The following GALNT13 variants were observed in gnomAD, a reference collection of about 807,000 sequenced individuals.
The protein encoded by GALNT13 is UDP-GalNAc:polypeptide N-acetylgalactosaminyltransferase 13.
A neutral mutation model predicts 64.2 loss-of-function variants in GALNT13; 28 were observed. That is an observed-to-expected ratio of 0.44 (90% CI 0.32 to 0.60). The LOEUF (loss-of-function observed/expected upper bound fraction) is 0.60. Among genes scored for constraint, GALNT13 ranks in the 20% least tolerant of loss-of-function variants. The pLI is 0.05. For synonymous variants in GALNT13, 214 were observed against 224.6 expected, an observed-to-expected ratio of 0.95 and a Z score of 0.42; for missense variants, 577 against 669.8, an observed-to-expected ratio of 0.86 and a Z score of 1.53.
the GALNT13 span, among the ~76,000 whole-genome samples, chr2:153,618,272 CA>C: frequency 6.6e-6 from 1 of 151,788 alleles, no homozygotes; most frequent in Admixed American, 6.6e-5. Context: ...TTAATTTCTT[CA>C]TTGACCCACT....
At chr2:153,860,764 C>G in the GALNT13 span, among the ~76,000 whole-genome samples, 1 of 152,082 alleles carries the variant, frequency 6.6e-6, no homozygotes, top group Non-Finnish European at 1.5e-5. Context: ...TTTCTATGAC[C>G]AACGTGACAA....
chr2:153,117,046 G>A, the GALNT13 span, among the ~76,000 whole-genome samples: 6 of 151,838 alleles, frequency 4.0e-5, no homozygotes, highest in Middle Eastern at 3.5e-3. Flanking sequence ...TGATCCACCC[G>A]CCTAGGCCTC....
chr2:154,013,941 C>T (rs1696820772), intron 3 of GALNT13, among the ~76,000 whole-genome samples: 1 of 152,154 alleles, frequency 6.6e-6, no homozygotes, highest in African/African-American at 2.4e-5. Flanking sequence ...CATGGACTGC[C>T]AGCGAAGAAG....
At chr2:154,329,137 GCTCTGTCA>G (rs2105187272) in intron 9 of GALNT13, among the ~76,000 whole-genome samples, 1 of 152,126 alleles carries the variant, frequency 6.6e-6, no homozygotes, top group Admixed American at 6.6e-5. Context: ...GATGAATCTA[GCTCTGTCA>G]CCCAGGCTAG....
the GALNT13 span, among the ~76,000 whole-genome samples, chr2:153,823,473 C>T: frequency 6.6e-6 from 1 of 152,050 alleles, no homozygotes. Flanking sequence ...AACCCTCACA[C>T]AACCATATGA....
At chr2:153,701,554 G>A in the GALNT13 span, among the ~76,000 whole-genome samples, 1 of 152,256 alleles carries the variant, frequency 6.6e-6, no homozygotes, top group East Asian at 1.9e-4. Flanking sequence ...AGAGTGAACA[G>A]GCAACCTACT....
the GALNT13 span, among the ~76,000 whole-genome samples, chr2:153,240,050 G>A: frequency 6.6e-6 from 1 of 152,082 alleles, no homozygotes; most frequent in Admixed American, 6.5e-5. Flanking sequence ...ATCTTGGTAG[G>A]TTGGTTATCT....
chr2:153,918,152 C>T lies in GALNT13; in HGVS notation c.-105+17145C>T, dbSNP rs916056544. Among the ~76,000 whole-genome samples the T allele has an allele frequency of 1.8e-4, 28 of 151,930 alleles. No individual in the cohort carries two copies. In the South Asian group the frequency reaches 2.3e-3, roughly 12 times the overall value. On this transcript the variant is annotated intron_variant, in intron 2 of 12. Transcript: ENST00000392825. Reference sequence around the variant, plus strand: ...TAATTCAGGATTATGTTTGATTCAGCCAAGTTTAAAATAATTAATCTGATT... The same window carrying T: ...TAATTCAGGATTATGTTTGATTCAGTCAAGTTTAAAATAATTAATCTGATT...
At chr2:153,909,149 G>T (rs1002453916) in intron 2 of GALNT13, among the ~76,000 whole-genome samples, 12 of 151,836 alleles carry the variant, frequency 7.9e-5, no homozygotes, top group African/African-American at 2.4e-4. Flanking sequence ...TAGGTATTTT[G>T]TCACAGTTGT....
At chr2:153,105,618 A>G in the GALNT13 span, among the ~76,000 whole-genome samples, 2 of 152,224 alleles carry the variant, frequency 1.3e-5, no homozygotes, top group Admixed American at 6.5e-5. Flanking sequence ...GTATATCTAG[A>G]AAACCCCATC....
chr2:154,025,472 T>G (rs1475244107), intron 3 of GALNT13, among the ~76,000 whole-genome samples: 4 of 152,184 alleles, frequency 2.6e-5, no homozygotes, highest in Non-Finnish European at 5.9e-5. Context: ...TCATTCTTTA[T>G]GGACGCTAAT....
intron 2 of GALNT13, among the ~76,000 whole-genome samples, chr2:153,930,006 C>A (rs532900761): frequency 1.3e-5 from 2 of 152,042 alleles, no homozygotes; most frequent in South Asian, 4.1e-4. Context: ...TTTTGCCAGC[C>A]TCTGTTATTT....
intron 2 of GALNT13, among the ~76,000 whole-genome samples, chr2:153,920,379 G>A (rs1689672977): frequency 6.6e-6 from 1 of 152,112 alleles, no homozygotes; most frequent in African/African-American, 2.4e-5. Context: ...ACAAGCAATG[G>A]GGAAAGGACT....
intron 9 of GALNT13, among the ~76,000 whole-genome samples, chr2:154,330,355 T>G (rs1341072857): frequency 1.3e-5 from 2 of 152,082 alleles, no homozygotes. Flanking sequence ...ACCAGTCAAA[T>G]TTGCAGTGCC....
At chr2:154,435,909 A>G (rs1417619821) in intron 11 of GALNT13, 1 of 152,190 alleles carries the variant, frequency 6.6e-6, no homozygotes, top group Non-Finnish European at 1.5e-5. Context: ...TAAAAAGCTA[A>G]TGGATATAAA....
chr2:154,214,359 TC>T (rs1687932068), intron 4 of GALNT13, among the ~76,000 whole-genome samples: 1 of 152,164 alleles, frequency 6.6e-6, no homozygotes, highest in Non-Finnish European at 1.5e-5. Context: ...TACCTAGTGA[TC>T]CACCTTTGCT....
the GALNT13 span, among the ~76,000 whole-genome samples, chr2:153,114,595 A>AT: frequency 6.6e-6 from 1 of 152,150 alleles, no homozygotes; most frequent in African/African-American, 2.4e-5. Context: ...TGAAGTTTTG[A>AT]TATTAAGATT....
the GALNT13 span, among the ~76,000 whole-genome samples, chr2:153,757,265 T>C: frequency 1.3e-5 from 2 of 152,192 alleles, no homozygotes; most frequent in Admixed American, 1.3e-4. Context: ...CAAGAACATG[T>C]GGCCTTTGTC....
At chr2:153,894,588 A>T (rs1158323105) in intron 1 of GALNT13, among the ~76,000 whole-genome samples, 1 of 152,188 alleles carries the variant, frequency 6.6e-6, no homozygotes, top group Non-Finnish European at 1.5e-5. Context: ...ACAGGGAGGG[A>T]GGAAAAGAGG....
Sources: gnomAD v4.1 joint callset for allele counts (sites outside exome capture counted in the v4.1 genomes callset) on GRCh38, gnomAD v4.1.1 for gene constraint, MANE v1.5 for transcripts, NCBI Gene and HGNC (gene_info 2026-07-23, HGNC 2026-07-21) for gene names.